Variants in SAMD12 observed in about 807,000 individuals in gnomAD.
SAMD12 encodes the protein sterile alpha motif domain-containing protein 12.
Under a neutral mutation model 15.0 loss-of-function variants are expected in SAMD12, and 9 were observed. The ratio of observed to expected loss-of-function variants is 0.60; its 90% CI spans 0.36 to 1.05. SAMD12 has a LOEUF of 1.05. SAMD12 is among the 50% of genes least tolerant of loss of function. The pLI, the probability that SAMD12 is intolerant of heterozygous loss-of-function variation, is 0.01. For synonymous variants in SAMD12, 86 were observed against 90.1 expected, an observed-to-expected ratio of 0.96 and a Z score of 0.25; for missense variants, 230 against 234.2, an observed-to-expected ratio of 0.98 and a Z score of 0.12.
chr8:118,408,171 T>TA (rs1821225639), intron 3 of SAMD12, among the ~76,000 whole-genome samples: 3 of 152,304 alleles, frequency 2.0e-5, no homozygotes, highest in Admixed American at 2.0e-4. Context: ...ACTCCCTTGA[T>TA]AAGTATCCTC....
chr8:118,232,290 G>A (rs894165092), intron 4 of SAMD12, among the ~76,000 whole-genome samples: 2 of 152,126 alleles, frequency 1.3e-5, no homozygotes, highest in East Asian at 3.9e-4. Flanking sequence ...ATCATCCTGG[G>A]GGATCAGAGG....
intron 2 of SAMD12, among the ~76,000 whole-genome samples, chr8:118,489,551 C>A (rs2515043): frequency 6.6e-6 from 1 of 151,890 alleles, no homozygotes; most frequent in African/African-American, 2.4e-5. Flanking sequence ...CTTCTTCCCC[C>A]CTTAAAGATC....
intron 3 of SAMD12, among the ~76,000 whole-genome samples, chr8:118,408,807 GT>G (rs1294627061): frequency 6.6e-6 from 1 of 152,158 alleles, no homozygotes; most frequent in Non-Finnish European, 1.5e-5. Flanking sequence ...TCTTCTCTAT[GT>G]GGCCTTTAGC....
chr8:118,175,333 T>C, the SAMD12 span, among the ~76,000 whole-genome samples: 1,638 of 152,262 alleles, frequency 0.011, 29 homozygotes, highest in African/African-American at 0.037. Flanking sequence ...TTACCATATA[T>C]GAAAATCAAC....
intron 2 of SAMD12, among the ~76,000 whole-genome samples, chr8:118,542,661 T>C (rs1826018429): frequency 6.6e-6 from 1 of 152,244 alleles, no homozygotes; most frequent in Non-Finnish European, 1.5e-5. Context: ...AGATTATATA[T>C]AACTAGATCC....
chr8:118,537,713 C>G (rs1206714609), intron 2 of SAMD12, among the ~76,000 whole-genome samples: 1 of 152,152 alleles, frequency 6.6e-6, no homozygotes, highest in Non-Finnish European at 1.5e-5. Context: ...GGCTGAGTTT[C>G]CTCAACACAG....
At chr8:118,404,923 A>C (rs1821054354) in intron 3 of SAMD12, among the ~76,000 whole-genome samples, 1 of 152,054 alleles carries the variant, frequency 6.6e-6, no homozygotes, top group South Asian at 2.1e-4. Context: ...TAACCTCCCA[A>C]AGTGTTGGGG....
chr8:118,616,455 A>ACCT (rs1828241953), intron 1 of SAMD12, among the ~76,000 whole-genome samples: 1 of 152,222 alleles, frequency 6.6e-6, no homozygotes, highest in Admixed American at 6.5e-5. Flanking sequence ...TTAGGAAAGC[A>ACCT]TAGGTGAGCT....
chr8:118,399,115 C>T (rs540004367), intron 3 of SAMD12, among the ~76,000 whole-genome samples: 1 of 152,120 alleles, frequency 6.6e-6, no homozygotes, highest in Non-Finnish European at 1.5e-5. Context: ...AACTCCTGGC[C>T]TTAAGCAATC....
chr8:118,582,509 T>C (rs1335468685), intron 1 of SAMD12, among the ~76,000 whole-genome samples: 1 of 152,222 alleles, frequency 6.6e-6, no homozygotes, highest in Non-Finnish European at 1.5e-5. Context: ...GGACATTATT[T>C]ATGAATTTCT....
At chr8:118,398,960 C>T (rs576255773) in intron 3 of SAMD12, among the ~76,000 whole-genome samples, 30 of 152,070 alleles carry the variant, frequency 2.0e-4, no homozygotes, top group Non-Finnish European at 3.2e-4. Context: ...CACAGGTCAC[C>T]GCAGCCTTGA....
chr8:118,515,921 C>G (rs1276370027), intron 2 of SAMD12, among the ~76,000 whole-genome samples: 3 of 152,194 alleles, frequency 2.0e-5, no homozygotes, highest in Non-Finnish European at 2.9e-5. Flanking sequence ...TCTGCTGACC[C>G]CTGAAGCTAT....
At chr8:118,415,448 G>GGTGGGTGTGTGT (rs1821636153) in intron 3 of SAMD12, among the ~76,000 whole-genome samples, 1 of 142,858 alleles carries the variant, frequency 7.0e-6, no homozygotes, top group Non-Finnish European at 1.5e-5. Context: ...CTTGTCCTAA[G>GGTGGGTGTGTGT]GTGTGTGTGT....
chr8:118,469,770 C>A (rs1823738015), intron 2 of SAMD12, among the ~76,000 whole-genome samples: 1 of 149,680 alleles, frequency 6.7e-6, no homozygotes, highest in Non-Finnish European at 1.5e-5. Context: ...GCCATGTTGG[C>A]CAGACTGGAC....
chr8:118,500,067 C>CTTTTTTTTTTTTT (rs563321387), intron 2 of SAMD12, among the ~76,000 whole-genome samples: 3 of 72,568 alleles, frequency 4.1e-5, no homozygotes, highest in African/African-American at 5.7e-5. Context: ...TGAGTTTTGC[C>CTTTTTTTTTTTTT]TTTTTTTTTT....
chr8:118,336,978 AGG>A (rs980581952), intron 4 of SAMD12, among the ~76,000 whole-genome samples: 1 of 152,290 alleles, frequency 6.6e-6, no homozygotes, highest in Non-Finnish European at 1.5e-5. Flanking sequence ...ACTTGGACAC[AGG>A]GTGGGGAACA....
intron 4 of SAMD12, among the ~76,000 whole-genome samples, chr8:118,235,386 T>C (rs1293715676): frequency 2.6e-5 from 4 of 152,080 alleles, no homozygotes; most frequent in Non-Finnish European, 4.4e-5. Flanking sequence ...AATTTTTGTA[T>C]TTTTAGTAGA....
At chr8:118,211,221 A>G (rs762838403) in intron 4 of SAMD12, among the ~76,000 whole-genome samples, 12 of 152,218 alleles carry the variant, frequency 7.9e-5, no homozygotes, top group Admixed American at 2.6e-4. Context: ...GCATCTTTGC[A>G]CAACTCCCAA....
chr8:118,358,879 T>C (rs1440345933), intron 4 of SAMD12, among the ~76,000 whole-genome samples: 1 of 152,164 alleles, frequency 6.6e-6, no homozygotes, highest in African/African-American at 2.4e-5. Flanking sequence ...AATGGTGGTA[T>C]TCAGAGAATG....
Sources: gnomAD v4.1 joint callset for allele counts (sites outside exome capture counted in the v4.1 genomes callset) on GRCh38, gnomAD v4.1.1 for gene constraint, MANE v1.5 for transcripts, NCBI Gene and HGNC (gene_info 2026-07-23, HGNC 2026-07-21) for gene names.